The following SLC35F4 variants were observed in gnomAD, a reference collection of about 807,000 sequenced individuals.
The protein encoded by SLC35F4 is chromosome 14 open reading frame 36.
Under a neutral mutation model 44.2 loss-of-function variants are expected in SLC35F4, and 24 were observed. That is an observed-to-expected ratio of 0.54 (90% CI 0.39 to 0.76). The LOEUF (loss-of-function observed/expected upper bound fraction) is 0.76, where lower values mean the gene tolerates loss of function less well. SLC35F4 is among the 30% of genes least tolerant of loss of function. The pLI is 0.00. For missense variants in SLC35F4, 562 were observed against 586.1 expected (o/e 0.96, Z 0.42); for synonymous variants, 238 against 223.6 (o/e 1.06, Z -0.57).
intron 1 of SLC35F4, among the ~76,000 whole-genome samples, chr14:57,673,477 C>T (rs1951748): frequency 6.6e-6 from 1 of 151,878 alleles, no homozygotes; most frequent in Non-Finnish European, 1.5e-5. Flanking sequence ...TCCAGGTATG[C>T]ATTAAAGGTG....
At chr14:57,891,099 A>G (rs1888753405) in intron 1 of SLC35F4, among the ~76,000 whole-genome samples, 1 of 152,168 alleles carries the variant, frequency 6.6e-6, no homozygotes, top group Non-Finnish European at 1.5e-5. Flanking sequence ...CTACTTCCAG[A>G]TTATGGATTT....
At chr14:57,660,898 CCG>C (rs1473733280) in intron 1 of SLC35F4, among the ~76,000 whole-genome samples, 2 of 151,342 alleles carry the variant, frequency 1.3e-5, no homozygotes, top group African/African-American at 4.9e-5. Context: ...CTCTCAGAAA[CCG>C]TAAAATCGTA....
intron 1 of SLC35F4, among the ~76,000 whole-genome samples, chr14:57,650,090 C>A (rs55822212): frequency 6.6e-6 from 1 of 152,164 alleles, no homozygotes; most frequent in East Asian, 1.9e-4. Flanking sequence ...GCTTTTCTAA[C>A]GTGACTTCTC....
intron 1 of SLC35F4, among the ~76,000 whole-genome samples, chr14:57,664,272 T>C (rs1275117724): frequency 6.6e-6 from 1 of 152,164 alleles, no homozygotes; most frequent in Non-Finnish European, 1.5e-5. Flanking sequence ...CCCAAACTAT[T>C]ATCTTCTCTT....
chr14:57,906,744 T>G (rs1889109822), intron 1 of SLC35F4, among the ~76,000 whole-genome samples: 1 of 152,232 alleles, frequency 6.6e-6, no homozygotes, highest in South Asian at 2.1e-4. Flanking sequence ...TTCATAATAT[T>G]GTCAAATATT....
intron 1 of SLC35F4, among the ~76,000 whole-genome samples, chr14:57,692,606 C>G (rs548248261): frequency 6.6e-6 from 1 of 152,126 alleles, no homozygotes; most frequent in East Asian, 1.9e-4. Flanking sequence ...GTGGATGGCA[C>G]TTAAATTTTT....
At chr14:57,674,037 A>C (rs1402310187) in intron 1 of SLC35F4, among the ~76,000 whole-genome samples, 1 of 152,022 alleles carries the variant, frequency 6.6e-6, no homozygotes, top group African/African-American at 2.4e-5. Flanking sequence ...GTAATTAGAG[A>C]AATACATTTT....
At chr14:57,734,477 C>G (rs917782919) in intron 1 of SLC35F4, among the ~76,000 whole-genome samples, 4 of 152,166 alleles carry the variant, frequency 2.6e-5, no homozygotes, top group African/African-American at 4.8e-5. Context: ...TTCAATCTCT[C>G]TCTCATTGTG....
intron 1 of SLC35F4, among the ~76,000 whole-genome samples, chr14:57,971,461 C>T (rs1276598842): frequency 2.6e-5 from 4 of 152,168 alleles, no homozygotes; most frequent in South Asian, 2.1e-4. Context: ...CTCCCCCTAT[C>T]GCCAGAAGCA....
intron 1 of SLC35F4, among the ~76,000 whole-genome samples, chr14:57,663,003 T>C (rs527247137): frequency 2.2e-4 from 34 of 152,348 alleles, no homozygotes; most frequent in African/African-American, 8.2e-4. Flanking sequence ...GAATGATCAC[T>C]GCTTTTTCCT....
intron 1 of SLC35F4, among the ~76,000 whole-genome samples, chr14:57,601,717 A>G (rs1055694505): frequency 2.6e-5 from 4 of 152,200 alleles, no homozygotes; most frequent in African/African-American, 9.7e-5. Context: ...TCTACTTGTA[A>G]TCAACTTTGA....
intron 1 of SLC35F4, chr14:57,629,843 GGA>G: frequency 9.0e-6 from 3 of 333,486 alleles, no homozygotes; most frequent in South Asian, 2.5e-5. Context: ...ATCGGCAGCC[GGA>G]GATGCAGACA....
chr14:57,768,220 T>C (rs1211109389), intron 1 of SLC35F4, among the ~76,000 whole-genome samples: 3 of 152,218 alleles, frequency 2.0e-5, no homozygotes, highest in Non-Finnish European at 4.4e-5. Flanking sequence ...GATTTCCCAT[T>C]GGGTTTACCT....
intron 1 of SLC35F4, among the ~76,000 whole-genome samples, chr14:57,716,013 T>C (rs1460364966): frequency 6.6e-6 from 1 of 152,060 alleles, no homozygotes. Flanking sequence ...AGAGTGGTGA[T>C]CAGACAGCAG....
chr14:57,656,293 C>T (rs573180990), intron 1 of SLC35F4, among the ~76,000 whole-genome samples: 1 of 142,260 alleles, frequency 7.0e-6, no homozygotes, highest in African/African-American at 3.0e-5. Flanking sequence ...AGCCAGAAGC[C>T]CCCCCACACC....
chr14:57,590,551 A>C (rs866723458), intron 2 of SLC35F4, among the ~76,000 whole-genome samples: 2 of 152,182 alleles, frequency 1.3e-5, no homozygotes, highest in Non-Finnish European at 2.9e-5. Context: ...TTTTGCAGCA[A>C]TTTTACAGCA....
intron 1 of SLC35F4, among the ~76,000 whole-genome samples, chr14:57,628,376 G>T (rs2072582235): frequency 7.2e-6 from 1 of 139,088 alleles, no homozygotes; most frequent in South Asian, 2.5e-4. Flanking sequence ...CTATACATGT[G>T]CCATGGCAGT....
chr14:57,718,647 C>A (rs1092042), intron 1 of SLC35F4, among the ~76,000 whole-genome samples: 134,133 of 152,256 alleles, frequency 0.88, 59,701 homozygotes, highest in Non-Finnish European at 0.96. Flanking sequence ...TCTTCTTTTG[C>A]GAAATATCTA....
chr14:57,746,834 T>C (rs910567305), intron 1 of SLC35F4, among the ~76,000 whole-genome samples: 16 of 152,266 alleles, frequency 1.1e-4, no homozygotes, highest in African/African-American at 3.8e-4. Context: ...AGAGAAAATA[T>C]GTTTTTTAAA....
Sources: gnomAD v4.1 joint callset for allele counts (sites outside exome capture counted in the v4.1 genomes callset) on GRCh38, gnomAD v4.1.1 for gene constraint, MANE v1.5 for transcripts, NCBI Gene and HGNC (gene_info 2026-07-23, HGNC 2026-07-21) for gene names.